TMEM161A: variants seen among roughly 807,000 people sequenced by gnomAD.
The protein encoded by TMEM161A is adaptive response to oxidative stress protein 29.
A neutral mutation model predicts 57.1 loss-of-function variants in TMEM161A; 46 were observed. That is an observed-to-expected ratio of 0.81 (90% CI 0.64 to 1.03). The LOEUF (loss-of-function observed/expected upper bound fraction) is 1.03. TMEM161A is among the 50% of genes least tolerant of loss of function. The pLI is 0.00. For synonymous variants in TMEM161A, 288 were observed against 279.0 expected (o/e 1.03, Z -0.32); for missense variants, 601 against 621.5 (o/e 0.97, Z 0.35).
Position 19,119,636 on chromosome 19 carries a change from T to C in TMEM161A, c.*294A>G, listed in dbSNP as rs1407854455. ...ACCCTGTTTGTAAAAATCGGCATGCTCCTTTATTTGTTCAGAAGAGCAGCC... is the reference window on the plus strand; with the variant it reads ...ACCCTGTTTGTAAAAATCGGCATGCCCCTTTATTTGTTCAGAAGAGCAGCC... On this transcript the variant is annotated 3_prime_UTR_variant, in exon 12 of 12. Coordinates refer to ENST00000162044, the MANE Select transcript of TMEM161A (RefSeq NM_017814.3). 1.6e-5 allele frequency: 7 copies of C among 427,528 alleles called. No individual in the cohort carries two copies. The highest frequency in any genetic ancestry group is 2.2e-5 in the Non-Finnish European group (5 of 231,158). 26.5% of individuals were successfully genotyped at this position (427,528 alleles called of 1,614,324 possible).
chr19:19,133,273 AC>A (rs1430017406), intron 2 of TMEM161A, 63 bp from the exon 3 acceptor site: 17 of 1,490,324 alleles, frequency 1.1e-5, no homozygotes, highest in Non-Finnish European at 1.6e-5. Flanking sequence ...GAGGCAGTGA[AC>A]CCCAAATCCA....
chr19:19,130,968 C>G (rs1038685698), intron 5 of TMEM161A, among the ~76,000 whole-genome samples: 4 of 152,112 alleles, frequency 2.6e-5, no homozygotes, highest in Admixed American at 2.0e-4. Flanking sequence ...CCTGTAATCC[C>G]AGCACTTTGG....
At position 19,121,471 on chromosome 19, in the gene TMEM161A, G is replaced by A. The variant is rs772166733; in HGVS notation, c.801-50C>T. The A allele has an allele frequency of 3.7e-6, 6 of 1,613,548 alleles. No homozygotes were observed. Among genetic ancestry groups the A allele is most frequent in the East Asian group, 2.2e-5 (1 of 44,886 alleles). On this transcript the variant is annotated intron_variant, in intron 8 of 11. Transcript: ENST00000162044. The surrounding 1 kb of genome is among the most constrained non-coding windows in gnomAD (Gnocchi z 5.8). ...TGAGGCCTGGGTACCCCCTCTCCTC[G>A]AGTCTCTCCCTTAAGCTCCCTAGTC...
chr19:19,122,796 T>C (rs1476855579), intron 6 of TMEM161A, among the ~76,000 whole-genome samples: 1 of 144,628 alleles, frequency 6.9e-6, no homozygotes, highest in Non-Finnish European at 1.5e-5. Flanking sequence ...AGCAAATTCA[T>C]ATGAGCTCAC....
chr19:19,121,397 C>G lies in TMEM161A; in HGVS notation c.825G>C (p.Leu275=), dbSNP rs1338466913. ...AGAGCCACAGGATGAACAGGGGAGACAGGAAGCTGGTGTGCAGGAGGAACC... is the reference window on the plus strand; with the variant it reads ...AGAGCCACAGGATGAACAGGGGAGAGAGGAAGCTGGTGTGCAGGAGGAACC... The part of the protein sequence containing the change: ...MLQFLLHTSF[L]SPLFILWLWT... The change falls in exon 9 of 12, where the codon CTG becomes CTC. Residue 275 remains leucine (L), a synonymous_variant. Transcript: ENST00000162044. The surrounding 1 kb of genome is among the most constrained non-coding windows in gnomAD (Gnocchi z 5.8). 1 of 1,613,030 alleles carries G rather than the reference C, an allele frequency of 6.2e-7. No homozygotes were observed. Among genetic ancestry groups the G allele is most frequent in the African/African-American group, 1.3e-5 (1 of 74,852 alleles).
At chr19:19,123,173 G>C (rs1568534330) in intron 6 of TMEM161A, among the ~76,000 whole-genome samples, 1 of 152,168 alleles carries the variant, frequency 6.6e-6, no homozygotes, top group Non-Finnish European at 1.5e-5. Context: ...TATGAAGAGA[G>C]GCTAAGAGAT....
chr19:19,129,415 G>A (rs1325523828), intron 6 of TMEM161A, among the ~76,000 whole-genome samples: 1 of 152,026 alleles, frequency 6.6e-6, no homozygotes, highest in Non-Finnish European at 1.5e-5. Flanking sequence ...GTGGTGCCGG[G>A]CAGAGAAGTG....
At chr19:19,134,330 G>A (rs2059974461) in intron 2 of TMEM161A, among the ~76,000 whole-genome samples, 1 of 152,136 alleles carries the variant, frequency 6.6e-6, no homozygotes, top group Non-Finnish European at 1.5e-5. Flanking sequence ...TGTCAGGCAT[G>A]GGAACTCACG....
intron 6 of TMEM161A, among the ~76,000 whole-genome samples, chr19:19,127,477 AC>A (rs1302991303): frequency 6.6e-6 from 1 of 151,008 alleles, no homozygotes; most frequent in African/African-American, 2.4e-5. Flanking sequence ...CCGCCACCAC[AC>A]CCGGCTAATT....
intron 1 of TMEM161A, among the ~76,000 whole-genome samples, chr19:19,137,298 C>T (rs2040562): frequency 0.64 from 97,042 of 152,008 alleles, 31,196 homozygotes; most frequent in Non-Finnish European, 0.67. Flanking sequence ...AGAGGTCTTC[C>T]TGGACCTTTG....
chr19:19,130,246 C>T lies in TMEM161A; in HGVS notation c.505G>A (p.Val169Ile), dbSNP rs375134237. 1.3e-5 allele frequency: 21 copies of T among 1,613,870 alleles called. No homozygotes were observed. The African/African-American group carries it at 1.9e-4, about 14-fold the overall frequency. The change falls in exon 6 of 12, where the codon GTC becomes ATC. Residue 169 changes from valine (V) to isoleucine (I), a missense_variant. Coordinates refer to ENST00000162044, the MANE Select transcript of TMEM161A (RefSeq NM_017814.3). ...FSAEEGGERS[V>I]CLTFAFLFLL... ...AAGAGGAAGGCAAAGGTGAGGCAGACAGAGCGCTCACCCCCCTCCTCGGCG... is the reference window on the plus strand; with the variant it reads ...AAGAGGAAGGCAAAGGTGAGGCAGATAGAGCGCTCACCCCCCTCCTCGGCG...
chr19:19,126,365 A>G (rs1249264472), intron 6 of TMEM161A, among the ~76,000 whole-genome samples: 1 of 152,196 alleles, frequency 6.6e-6, no homozygotes, highest in African/African-American at 2.4e-5. Flanking sequence ...GTCAAATGAA[A>G]ACAAAAGAAG....
chr19:19,134,781 C>T lies in TMEM161A; in HGVS notation c.107+3G>A, dbSNP rs760673851. ...CCCCTCCCACCGCCGGGGCGGGGCT[C>T]ACCTGCCGTTACAGAGCAGCCAGCG... On this transcript the variant is annotated splice_donor_region_variant and intron_variant, in intron 2 of 11. Coordinates refer to ENST00000162044, the MANE Select transcript of TMEM161A (RefSeq NM_017814.3). The T allele has an allele frequency of 2.6e-6, 4 of 1,559,378 alleles. No homozygotes were observed. In the African/African-American group the frequency reaches 4.1e-5, roughly 16 times the overall value.
At chr19:19,120,676 C>G in intron 11 of TMEM161A, 89 bp downstream of exon 11, 2 of 1,265,824 alleles carry the variant, frequency 1.6e-6, no homozygotes, top group Non-Finnish European at 2.3e-6. Flanking sequence ...GCCTCTCCCC[C>G]CCCACCGCGG....
rs777955646 is a variant in TMEM161A at position 19,119,498 on chromosome 19, A to G, written c.*432T>C. The G allele has an allele frequency of 5.0e-5, 9 of 181,066 alleles. No individual in the cohort carries two copies. The highest frequency in any genetic ancestry group is 9.5e-5 in the Non-Finnish European group (8 of 84,546). The allele number at this position is 181,066 out of a possible 1,614,324, so 11.2% of individuals were successfully genotyped here. A position where few individuals can be genotyped will look rare whatever the true frequency, so the allele number is the denominator to read the frequency against. On this transcript the variant is annotated 3_prime_UTR_variant, in exon 12 of 12. Transcript: ENST00000162044. ...CCTCCCAGACCTTTGCTCCCCTCTC[A>G]GTCCTGCTCCTCTCTCCCTCCCGCG...
At chr19:19,120,378 G>C (rs1670972140) in intron 11 of TMEM161A, among the ~76,000 whole-genome samples, 195 bp from the exon 12 acceptor site, 1 of 150,984 alleles carries the variant, frequency 6.6e-6, no homozygotes, top group African/African-American at 2.4e-5. Flanking sequence ...CCCACCTCCT[G>C]CTCAGATCCT....
At chr19:19,122,766 C>CAAA (rs1172853044) in intron 6 of TMEM161A, among the ~76,000 whole-genome samples, 43 of 117,870 alleles carry the variant, frequency 3.6e-4, no homozygotes, top group South Asian at 2.2e-3. Flanking sequence ...AAGACCTTGT[C>CAAA]AAAAAAAAAA....
intron 1 of TMEM161A, among the ~76,000 whole-genome samples, chr19:19,137,860 G>C (rs1369350981): frequency 6.6e-6 from 1 of 152,196 alleles, no homozygotes; most frequent in Non-Finnish European, 1.5e-5. Context: ...GTTGGACCCA[G>C]AGCCGCGTGA....
Position 19,132,756 on chromosome 19 carries a change from TG to T in TMEM161A, c.189-3del. Reference sequence around the variant, plus strand: ...TCCTCACTAAGGCCATTGGCCCACCTGGGAGGATGGTGACAAGCAAGAGGGA... The same window carrying T: ...TCCTCACTAAGGCCATTGGCCCACCTGGAGGATGGTGACAAGCAAGAGGGA... On this transcript the variant is annotated splice_polypyrimidine_tract_variant and splice_region_variant and intron_variant, in intron 3 of 11. Coordinates refer to ENST00000162044, the MANE Select transcript of TMEM161A (RefSeq NM_017814.3). This position sits in a 1 kb window ranked among gnomAD's most constrained non-coding sequence, Gnocchi z 4.3. 1 of 1,530,618 alleles carries T rather than the reference TG, an allele frequency of 6.5e-7. No individual in the cohort carries two copies. The highest frequency in any genetic ancestry group is 8.8e-7 in the Non-Finnish European group (1 of 1,138,630). 94.8% of individuals were successfully genotyped at this position (1,530,618 alleles called of 1,614,324 possible). A position where few individuals can be genotyped will look rare whatever the true frequency, so the allele number is the denominator to read the frequency against.
Sources: gnomAD v4.1 joint callset for allele counts (sites outside exome capture counted in the v4.1 genomes callset) on GRCh38, gnomAD v4.1.1 for gene constraint, Gnocchi (gnomAD v3.1) non-coding constraint, MANE v1.5 for transcripts, NCBI Gene and HGNC (gene_info 2026-07-23, HGNC 2026-07-21) for gene names.